Variants in AP3S1 observed in about 807,000 individuals in gnomAD.
The protein encoded by AP3S1 is AP-3 complex subunit sigma-1.
A neutral mutation model predicts 21.3 loss-of-function variants in AP3S1; 12 were observed. That is an observed-to-expected ratio of 0.56 (90% confidence interval 0.36 to 0.91). The LOEUF (loss-of-function observed/expected upper bound fraction) is 0.91, where lower values mean the gene tolerates loss of function less well. Among genes scored for constraint, AP3S1 ranks in the 40% least tolerant of loss-of-function variants. AP3S1 has a pLI of 0.01. For synonymous variants in AP3S1, 48 were observed against 78.4 expected (o/e 0.61, Z 2.05); for missense variants, 116 against 225.0 (o/e 0.52, Z 3.10).
At chr5:115,865,301 T>A (rs539512821) in intron 1 of AP3S1, among the ~76,000 whole-genome samples, 58 of 152,280 alleles carry the variant, frequency 3.8e-4, no homozygotes, top group African/African-American at 1.3e-3. Context: ...CTAGCTTACT[T>A]TAAGAATTGT....
chr5:115,895,052 A>T, intron 3 of AP3S1, 35 bp from the exon 4 acceptor site: 1 of 1,424,132 alleles, frequency 7.0e-7, no homozygotes, highest in Non-Finnish European at 9.8e-7. Flanking sequence ...GAATAAATTT[A>T]AACAGTTCTT....
chr5:115,845,270 G>T (rs1353854251), intron 1 of AP3S1, among the ~76,000 whole-genome samples: 1 of 152,170 alleles, frequency 6.6e-6, no homozygotes, highest in African/African-American at 2.4e-5. Context: ...AACAGTAATC[G>T]TTTAACACTG....
intron 5 of AP3S1, chr5:115,904,095 T>G (rs1751447594): frequency 6.6e-6 from 1 of 151,622 alleles, no homozygotes; most frequent in Non-Finnish European, 1.5e-5. Context: ...AAAAGAAAGA[T>G]CAATAATTTT....
intron 5 of AP3S1, among the ~76,000 whole-genome samples, chr5:115,912,887 A>G (rs1752213556): frequency 1.3e-5 from 2 of 152,094 alleles, no homozygotes; most frequent in African/African-American, 2.4e-5. Context: ...TTAAGGGTTT[A>G]TCCCTAAGAA....
chr5:115,864,366 A>G (rs1388088947), intron 1 of AP3S1, among the ~76,000 whole-genome samples: 2 of 152,192 alleles, frequency 1.3e-5, no homozygotes, highest in Admixed American at 1.3e-4. Context: ...TGAGTTCAAC[A>G]CCAAAGGCAT....
At chr5:115,845,484 G>A (rs1249217369) in intron 1 of AP3S1, among the ~76,000 whole-genome samples, 2 of 152,090 alleles carry the variant, frequency 1.3e-5, no homozygotes, top group Non-Finnish European at 2.9e-5. Context: ...AGGAAGTTGC[G>A]CACCTGTTTT....
rs199536113 is a variant in AP3S1 at position 115,902,973 on chromosome 5, A to G, written c.434A>G (p.Asn145Ser). Residue 145 changes from asparagine to serine, a missense_variant, in exon 5 of 6, where the codon AAT becomes AGT. Asn to Ser is a conservative substitution (Grantham distance 46, BLOSUM62 1). Around this residue, in one of 3 missense-constraint regions of AP3S1, gnomAD observed 65 missense variants for 148.2 expected, o/e 0.44. Coordinates refer to ENST00000316788, the MANE Select transcript of AP3S1 (RefSeq NM_001284.4). ...ATTGTTACACAAATTGATGCACAAA[A>G]TAAGCTGGAAAAATCTGAGGTAAGA... is the stretch of plus-strand genomic sequence containing the variant. Reference protein sequence around the residue: ...NEIVTQIDAQNKLEKSEAGLA... With the variant: ...NEIVTQIDAQSKLEKSEAGLA... 6.2e-7 allele frequency: 1 copy of G among 1,613,764 alleles called. No individual in the cohort carries two copies. The highest frequency in any genetic ancestry group is 1.3e-5 in the African/African-American group (1 of 74,934).
At chr5:115,855,963 A>G (rs1762772887) in intron 1 of AP3S1, among the ~76,000 whole-genome samples, 1 of 152,196 alleles carries the variant, frequency 6.6e-6, no homozygotes. Context: ...AGGAAAAGAG[A>G]AAATATTGTT....
At chr5:115,878,256 T>C (rs62371473) in intron 3 of AP3S1, among the ~76,000 whole-genome samples, 26,386 of 152,224 alleles carry the variant, frequency 0.17, 2,523 homozygotes, top group Middle Eastern at 0.21. Context: ...TTTGGTGTTT[T>C]AGTCATGTAG....
chr5:115,904,107 A>G (rs978074187), intron 5 of AP3S1: 17 of 152,006 alleles, frequency 1.1e-4, no homozygotes, highest in South Asian at 2.1e-4. Flanking sequence ...AATAATTTTG[A>G]TATCTCATTC....
chr5:115,854,050 C>A (rs138225498), intron 1 of AP3S1, among the ~76,000 whole-genome samples: 2 of 152,252 alleles, frequency 1.3e-5, no homozygotes, highest in East Asian at 3.9e-4. Context: ...TGAGGGCCTT[C>A]CTGCTGCATC....
At chr5:115,893,057 C>T (rs779694758) in intron 3 of AP3S1, among the ~76,000 whole-genome samples, 2 of 152,198 alleles carry the variant, frequency 1.3e-5, no homozygotes, top group African/African-American at 2.4e-5. Flanking sequence ...TTTTGAGTAT[C>T]TGCTTAAATT....
At chr5:115,876,683 C>T (rs528257556) in intron 3 of AP3S1, among the ~76,000 whole-genome samples, 20 of 152,260 alleles carry the variant, frequency 1.3e-4, no homozygotes, top group African/African-American at 3.9e-4. Context: ...ATCTCCTTTA[C>T]TGTGTAACAA....
chr5:115,870,613 T>G (rs1748146438), intron 3 of AP3S1, among the ~76,000 whole-genome samples: 1 of 152,208 alleles, frequency 6.6e-6, no homozygotes. Context: ...TCCTGCTTCT[T>G]TCTGCCTTTG....
chr5:115,871,178 T>C (rs1394508215), intron 3 of AP3S1, among the ~76,000 whole-genome samples: 2 of 152,206 alleles, frequency 1.3e-5, no homozygotes, highest in Non-Finnish European at 2.9e-5. Context: ...GGCTGTTTGA[T>C]ATACAAGCAT....
At chr5:115,867,125 T>C (rs1763689065) in intron 2 of AP3S1, among the ~76,000 whole-genome samples, 1 of 152,168 alleles carries the variant, frequency 6.6e-6, no homozygotes, top group Non-Finnish European at 1.5e-5. Context: ...TAAAGTATGT[T>C]ATATGTGTTG....
chr5:115,904,880 AAATG>A (rs1381346091), intron 5 of AP3S1, among the ~76,000 whole-genome samples: 6 of 152,318 alleles, frequency 3.9e-5, no homozygotes, highest in Admixed American at 3.9e-4. Context: ...TAACTGGTAT[AAATG>A]AATGAGTATC....
chr5:115,868,788 A>G (rs1226723123), intron 2 of AP3S1, among the ~76,000 whole-genome samples: 3 of 151,752 alleles, frequency 2.0e-5, no homozygotes, highest in East Asian at 3.9e-4. Context: ...TGGCTGAGGC[A>G]GGAGAATTGC....
chr5:115,863,045 T>A (rs952797379), intron 1 of AP3S1, among the ~76,000 whole-genome samples: 6 of 152,118 alleles, frequency 3.9e-5, no homozygotes, highest in Non-Finnish European at 5.9e-5. Flanking sequence ...GGTGGATCAC[T>A]TGAGGTCAGG....
Sources: gnomAD v4.1 joint callset for allele counts (sites outside exome capture counted in the v4.1 genomes callset) on GRCh38, gnomAD v4.1.1 for gene constraint, gnomAD v4.1.1 regional missense constraint, MANE v1.5 for transcripts, NCBI Gene and HGNC (gene_info 2026-07-23, HGNC 2026-07-21) for gene names.